SDK1: variants seen among roughly 807,000 people sequenced by gnomAD.
SDK1 encodes the protein protein sidekick-1.
A neutral mutation model predicts 245.5 loss-of-function variants in SDK1; 157 were observed. The ratio of observed to expected loss-of-function variants is 0.64; its 90% CI spans 0.56 to 0.73. SDK1 has a LOEUF of 0.73. SDK1 is among the 30% of genes least tolerant of loss of function. The pLI is 0.00. For missense variants in SDK1, 3,583 were observed against 3,002.3 expected (o/e 1.19, Z -4.52); for synonymous variants, 1,647 against 1,278.5 (o/e 1.29, Z -6.15).
intron 5 of SDK1, among the ~76,000 whole-genome samples, chr7:3,917,202 A>C (rs1322491919): frequency 6.6e-6 from 1 of 152,206 alleles, no homozygotes. Flanking sequence ...AAAATCAATC[A>C]CTTGAAAGCA....
chr7:3,776,415 A>G (rs182609498), intron 4 of SDK1, among the ~76,000 whole-genome samples: 21 of 152,320 alleles, frequency 1.4e-4, no homozygotes, highest in South Asian at 6.2e-4. Context: ...TTCTGTTACT[A>G]TCACCTGAAC....
intron 7 of SDK1, among the ~76,000 whole-genome samples, chr7:3,955,990 G>C (rs1781229675): frequency 6.6e-6 from 1 of 152,204 alleles, no homozygotes; most frequent in Non-Finnish European, 1.5e-5. Context: ...GAAAATCTGA[G>C]CTGGCCTTTT....
intron 1 of SDK1, among the ~76,000 whole-genome samples, chr7:3,474,197 G>T (rs1362010938): frequency 6.9e-6 from 1 of 144,984 alleles, no homozygotes; most frequent in Non-Finnish European, 1.5e-5. Context: ...CTGCCTCCTG[G>T]GTTCAAACAG....
intron 4 of SDK1, among the ~76,000 whole-genome samples, chr7:3,699,776 T>G (rs1038752900): frequency 1.3e-5 from 2 of 152,184 alleles, no homozygotes; most frequent in Admixed American, 1.3e-4. Flanking sequence ...TATGGCAAAT[T>G]CGTTGAAGAA....
At chr7:3,696,085 C>T (rs1276561827) in intron 4 of SDK1, among the ~76,000 whole-genome samples, 2 of 152,126 alleles carry the variant, frequency 1.3e-5, no homozygotes, top group Non-Finnish European at 2.9e-5. Flanking sequence ...TTATGCAATA[C>T]TTGATCCTCT....
In SDK1 at chr7:3,582,454, C is replaced by A. The variant is rs373469017; in HGVS notation, c.299-36626C>A. Among the ~76,000 whole-genome samples, 21 of 142,458 alleles carry A rather than the reference C, an allele frequency of 1.5e-4. No individual in the cohort carries two copies. The East Asian group carries it at 2.8e-3, about 19-fold the overall frequency. The allele number at this position is 142,458 out of a possible 152,430, so 93.5% of individuals were successfully genotyped here. A position where few individuals can be genotyped will look rare whatever the true frequency, so the allele number is the denominator to read the frequency against. ...GGTAGGTCTGTCTCAGGTAGGTCTC[C>A]CTCAGGTAGGTCTGTCTCAGGTAGG... On this transcript the variant is annotated intron_variant, in intron 1 of 44. Transcript: ENST00000404826.
chr7:3,625,778 A>G (rs1263397421), intron 2 of SDK1, among the ~76,000 whole-genome samples: 1 of 151,844 alleles, frequency 6.6e-6, no homozygotes, highest in Non-Finnish European at 1.5e-5. Flanking sequence ...GTGGTGCCAG[A>G]GAATCCCCAG....
intron 28 of SDK1, among the ~76,000 whole-genome samples, chr7:4,144,398 G>C (rs993113182): frequency 1.3e-5 from 2 of 152,190 alleles, no homozygotes; most frequent in African/African-American, 4.8e-5. Flanking sequence ...TGCGCCTAGA[G>C]GTGGCTGCGT....
intron 30 of SDK1, among the ~76,000 whole-genome samples, chr7:4,154,375 T>G (rs1780587270): frequency 6.6e-6 from 1 of 152,190 alleles, no homozygotes; most frequent in African/African-American, 2.4e-5. Flanking sequence ...TTGGGATGAT[T>G]AGAAGAAAGA....
At chr7:3,541,310 C>T (rs1779047520) in intron 1 of SDK1, among the ~76,000 whole-genome samples, 1 of 152,198 alleles carries the variant, frequency 6.6e-6, no homozygotes, top group Non-Finnish European at 1.5e-5. Flanking sequence ...CTAAACTCCT[C>T]CTGTGTGCTT....
chr7:3,916,236 A>G (rs1779375652), intron 5 of SDK1, among the ~76,000 whole-genome samples: 1 of 152,238 alleles, frequency 6.6e-6, no homozygotes. Flanking sequence ...TCTACATTTT[A>G]CATGTGAAGA....
chr7:4,049,489 T>G, intron 18 of SDK1, 26 bp downstream of exon 18: 1 of 1,545,716 alleles, frequency 6.5e-7, no homozygotes, highest in Non-Finnish European at 8.9e-7. Flanking sequence ...TCAGGGCCTG[T>G]GGGCAGCTGT....
intron 4 of SDK1, among the ~76,000 whole-genome samples, chr7:3,711,192 G>T (rs946204664): frequency 2.0e-5 from 3 of 152,172 alleles, no homozygotes; most frequent in Non-Finnish European, 4.4e-5. Flanking sequence ...CCACATAAAA[G>T]TATTTCTAAA....
chr7:3,696,910 T>TA lies in SDK1; in HGVS notation c.713+54816dup, dbSNP rs549227528. 3.1e-3 allele frequency among the ~76,000 whole-genome samples: 460 copies of TA among 146,440 alleles called. 2 individuals are homozygous for TA. The highest frequency in any genetic ancestry group is 9.5e-3 in the African/African-American group (384 of 40,232). ...CTGATATTTACCATAGAAGTTCCTTTAAAAAAAAAAACTCATAAGTAATAC... is the reference window on the plus strand; with the variant it reads ...CTGATATTTACCATAGAAGTTCCTTTAAAAAAAAAAAACTCATAAGTAATAC... On this transcript the variant is annotated intron_variant, in intron 4 of 44. Transcript: ENST00000404826.
At chr7:3,456,821 C>T (rs1400379706) in intron 1 of SDK1, among the ~76,000 whole-genome samples, 1 of 152,080 alleles carries the variant, frequency 6.6e-6, no homozygotes. Flanking sequence ...ACTCTTGGTC[C>T]TACTTAAACC....
chr7:3,557,764 C>A (rs139130650), intron 1 of SDK1, among the ~76,000 whole-genome samples: 387 of 152,124 alleles, frequency 2.5e-3, no homozygotes, highest in African/African-American at 9.1e-3. Context: ...GTTAAATTTT[C>A]GATTAAAAAA....
At chr7:4,234,008 G>A (rs540463335) in intron 41 of SDK1, among the ~76,000 whole-genome samples, 5 of 152,350 alleles carry the variant, frequency 3.3e-5, no homozygotes, top group South Asian at 2.1e-4. Context: ...GCAGAGCCCC[G>A]ATCCCCTGTG....
rs558602848 is a variant in SDK1, at chr7:3,859,430, G to A, written c.847+37847G>A. Among the ~76,000 whole-genome samples the A allele has an allele frequency of 2.0e-5, 3 of 152,130 alleles. 1 individual carries two copies. The highest frequency in any genetic ancestry group is 7.2e-5 in the African/African-American group (3 of 41,466). On this transcript the variant is annotated intron_variant, in intron 5 of 44. Transcript: ENST00000404826. ...TAACAGAAAACCTCAACTCACGCTG[G>A]TTTTGGTTTTTTTTTCAGTAAGGTA...
intron 4 of SDK1, among the ~76,000 whole-genome samples, chr7:3,766,951 G>A (rs1780272029): frequency 6.6e-6 from 1 of 152,200 alleles, no homozygotes; most frequent in African/African-American, 2.4e-5. Context: ...AAGTAGCAAT[G>A]TTATATAGAG....
Sources: allele counts gnomAD v4.1 joint callset (sites outside exome capture counted in the v4.1 genomes callset), GRCh38; gene constraint gnomAD v4.1.1; transcripts MANE v1.5; gene names NCBI Gene and HGNC (gene_info 2026-07-23, HGNC 2026-07-21).